The following SEMA6A variants were observed in gnomAD, a reference collection of about 807,000 sequenced individuals.
SEMA6A encodes the protein semaphorin 6A, also known as semaphorin-6A.
In SEMA6A, 25 loss-of-function variants were observed where a neutral mutation model predicts 96.8. The ratio of observed to expected loss-of-function variants is 0.26; its 90% CI spans 0.19 to 0.36. SEMA6A has a LOEUF of 0.36. Ranked by LOEUF, SEMA6A falls within the 10% of genes least tolerant of loss-of-function variation. The pLI is 1.00. For synonymous variants in SEMA6A, 612 were observed against 518.0 expected, an observed-to-expected ratio of 1.18 and a Z score of -2.46; for missense variants, 1,363 against 1,323.1, an observed-to-expected ratio of 1.03 and a Z score of -0.47.
rs113534843 is a variant in SEMA6A at position 116,519,945 on chromosome 5, T to C, written c.-38-14963A>G. Among the ~76,000 whole-genome samples the C allele has an allele frequency of 6.1e-3, 935 of 152,280 alleles. 20 individuals carry two copies. Among genetic ancestry groups the C allele is most frequent in the African/African-American group, 0.021 (887 of 41,548 alleles). ...AGTTTAATCTCCACACAGCAATCAA[T>C]GGTCTTTTAGAAACATAGATCATGT... On this transcript the variant is annotated intron_variant, in intron 1 of 18. Coordinates refer to ENST00000343348, the MANE Select transcript of SEMA6A (RefSeq NM_020796.5).
chr5:116,573,135 C>A (rs1456840059), intron 1 of SEMA6A, among the ~76,000 whole-genome samples: 1 of 152,184 alleles, frequency 6.6e-6, no homozygotes, highest in Non-Finnish European at 1.5e-5. Flanking sequence ...AGAGACACTT[C>A]CCGCCCCAGA....
chr5:116,526,845 GA>G (rs959057844), intron 1 of SEMA6A, among the ~76,000 whole-genome samples: 13 of 152,064 alleles, frequency 8.5e-5, no homozygotes, highest in African/African-American at 3.1e-4. Context: ...AAATATACAT[GA>G]AATGTAAGAT....
At chr5:116,521,755 A>G (rs1194105228) in intron 1 of SEMA6A, among the ~76,000 whole-genome samples, 1 of 152,200 alleles carries the variant, frequency 6.6e-6, no homozygotes, top group African/African-American at 2.4e-5. Context: ...AGAATGTGTG[A>G]AAGGCTGAGA....
chr5:116,568,885 GAAGT>G (rs1761108750), intron 1 of SEMA6A, among the ~76,000 whole-genome samples: 1 of 152,078 alleles, frequency 6.6e-6, no homozygotes, highest in Non-Finnish European at 1.5e-5. Flanking sequence ...ATGCATGCAT[GAAGT>G]ATCTCATTTG....
At chr5:116,500,457 CTA>C (rs1201177409) in intron 3 of SEMA6A, among the ~76,000 whole-genome samples, 1 of 152,096 alleles carries the variant, frequency 6.6e-6, no homozygotes, top group African/African-American at 2.4e-5. Flanking sequence ...GAATCTACAG[CTA>C]TGTTTGTGAA....
chr5:116,537,811 T>C (rs1561524878), intron 1 of SEMA6A, among the ~76,000 whole-genome samples: 1 of 151,970 alleles, frequency 6.6e-6, no homozygotes, highest in Non-Finnish European at 1.5e-5. Flanking sequence ...AGTAAGCATA[T>C]GGGGAAAATA....
intron 10 of SEMA6A, among the ~76,000 whole-genome samples, chr5:116,485,799 G>A (rs1757021536): frequency 6.6e-6 from 1 of 152,212 alleles, no homozygotes; most frequent in Non-Finnish European, 1.5e-5. Flanking sequence ...TGAGAACACA[G>A]TGCATGAATT....
intron 1 of SEMA6A, among the ~76,000 whole-genome samples, chr5:116,558,126 C>T (rs1760678623): frequency 6.6e-6 from 1 of 152,150 alleles, no homozygotes; most frequent in Non-Finnish European, 1.5e-5. Context: ...GTTAAAGCCC[C>T]CTGAAAATAG....
rs749668504 is a variant in SEMA6A at position 116,478,076 on chromosome 5, C to T, written c.1506G>A (p.Ala502=). 133 of 1,613,824 alleles carry T rather than the reference C, an allele frequency of 8.2e-5. No homozygotes were observed. Among genetic ancestry groups the T allele is most frequent in the Non-Finnish European group, 1.0e-4 (119 of 1,179,866 alleles). ...GAACCTTTATCACACAGGTAGAGAA[C>T]GCAACATACAGAGAGCTGCTTGCTC... ...LDRASSSLYV[A]FSTCVIKVPL... Residue 502 remains alanine (A), a synonymous_variant, in exon 14 of 19, where the codon GCG becomes GCA. Transcript: ENST00000343348.
At chr5:116,529,149 A>C (rs948563226) in intron 1 of SEMA6A, among the ~76,000 whole-genome samples, 1 of 152,050 alleles carries the variant, frequency 6.6e-6, no homozygotes, top group African/African-American at 2.4e-5. Context: ...TAGTGTGAAT[A>C]GGGATTAACC....
At chr5:116,518,678 G>GTGCT (rs1447982532) in intron 1 of SEMA6A, among the ~76,000 whole-genome samples, 2 of 152,224 alleles carry the variant, frequency 1.3e-5, no homozygotes, top group Admixed American at 1.3e-4. Flanking sequence ...CTGCACGTGT[G>GTGCT]TGCTTGCCTT....
chr5:116,453,026 T>C (rs372678068), intron 18 of SEMA6A, among the ~76,000 whole-genome samples: 1 of 152,192 alleles, frequency 6.6e-6, no homozygotes, highest in Non-Finnish European at 1.5e-5. Context: ...AAGCTTTACA[T>C]TGGAAATGGC....
At chr5:116,573,118 C>G (rs1461485251) in intron 1 of SEMA6A, among the ~76,000 whole-genome samples, 2 of 152,086 alleles carry the variant, frequency 1.3e-5, no homozygotes, top group African/African-American at 4.8e-5. Context: ...CGCGGAGAAT[C>G]GGGACAAGAG....
intron 1 of SEMA6A, among the ~76,000 whole-genome samples, chr5:116,556,668 C>A (rs17140120): frequency 0.14 from 20,689 of 152,172 alleles, 1,755 homozygotes; most frequent in East Asian, 0.23. Flanking sequence ...TCATAACACC[C>A]CTCTAGAAGA....
At chr5:116,471,699 C>T (rs1756158890) in intron 17 of SEMA6A, 1 of 152,168 alleles carries the variant, frequency 6.6e-6, no homozygotes, top group South Asian at 2.1e-4. Context: ...GGAGGCCAGT[C>T]AGGAGAAACC....
At chr5:116,566,665 C>A (rs1184371632) in intron 1 of SEMA6A, among the ~76,000 whole-genome samples, 1 of 152,186 alleles carries the variant, frequency 6.6e-6, no homozygotes, top group African/African-American at 2.4e-5. Flanking sequence ...TTCTGCTGTG[C>A]CTTTTAGAAG....
chr5:116,462,028 T>C (rs1313345876), intron 18 of SEMA6A, among the ~76,000 whole-genome samples: 2 of 152,164 alleles, frequency 1.3e-5, no homozygotes, highest in Non-Finnish European at 2.9e-5. Context: ...CTATTTTTCT[T>C]CCTTTATTAC....
intron 1 of SEMA6A, among the ~76,000 whole-genome samples, chr5:116,548,846 G>A (rs1430850126): frequency 6.6e-6 from 1 of 152,198 alleles, no homozygotes; most frequent in Non-Finnish European, 1.5e-5. Flanking sequence ...TTAAATGAAT[G>A]CTGCCTTGGA....
chr5:116,487,194 A>ATCAGC (rs1757094429), intron 9 of SEMA6A: 1 of 475,578 alleles, frequency 2.1e-6, no homozygotes. Flanking sequence ...AGAGTCATAA[A>ATCAGC]TCCTTCAGGG....
Sources: allele counts gnomAD v4.1 joint callset (sites outside exome capture counted in the v4.1 genomes callset), GRCh38; gene constraint gnomAD v4.1.1; transcripts MANE v1.5; gene names NCBI Gene and HGNC (gene_info 2026-07-23, HGNC 2026-07-21).